SCYL2: variants seen among roughly 807,000 people sequenced by gnomAD.
The protein encoded by SCYL2 is SCY1-like protein 2.
A neutral mutation model predicts 100.4 loss-of-function variants in SCYL2; 36 were observed. The ratio of observed to expected loss-of-function variants is 0.36; its 90% confidence interval spans 0.27 to 0.47. The LOEUF is 0.47. Ranked by LOEUF, SCYL2 falls within the 20% of genes least tolerant of loss-of-function variation. The probability of loss-of-function intolerance (pLI) is 1.00; values close to 1 mark genes in which losing one functional copy is unlikely to be tolerated. For missense variants in SCYL2, 902 were observed against 1,083.9 expected (o/e 0.83, Z 2.36); for synonymous variants, 330 against 359.2 (o/e 0.92, Z 0.92).
intron 1 of SCYL2, among the ~76,000 whole-genome samples, chr12:100,271,225 T>C (rs1219136276): frequency 7.2e-6 from 1 of 138,546 alleles, no homozygotes; most frequent in African/African-American, 2.8e-5. Context: ...AGGCCAACTC[T>C]GGCCTTAAAG....
intron 2 of SCYL2, among the ~76,000 whole-genome samples, chr12:100,289,705 C>T (rs186999087): frequency 4.6e-5 from 7 of 152,048 alleles, no homozygotes; most frequent in Admixed American, 2.0e-4. Flanking sequence ...AGTTCAGGGT[C>T]GACATAATAA....
chr12:100,327,648 G>A (rs1363926556), intron 12 of SCYL2, among the ~76,000 whole-genome samples: 1 of 151,786 alleles, frequency 6.6e-6, no homozygotes, highest in African/African-American at 2.4e-5. Context: ...TGAGTAGCTG[G>A]GATTACAGGC....
chr12:100,319,962 A>T (rs1170736389), intron 10 of SCYL2, among the ~76,000 whole-genome samples: 1 of 152,216 alleles, frequency 6.6e-6, no homozygotes, highest in Non-Finnish European at 1.5e-5. Flanking sequence ...AATATTTAAG[A>T]GGCTACAGAT....
intron 4 of SCYL2, among the ~76,000 whole-genome samples, chr12:100,307,597 GACTAAAGC>G (rs771426481): frequency 6.6e-6 from 1 of 152,152 alleles, no homozygotes; most frequent in African/African-American, 2.4e-5. Context: ...AAGACTTCAT[GACTAAAGC>G]ACCAAAAGCA....
chr12:100,272,038 A>G (rs2096288215), intron 1 of SCYL2, among the ~76,000 whole-genome samples: 1 of 152,206 alleles, frequency 6.6e-6, no homozygotes, highest in Non-Finnish European at 1.5e-5. Context: ...GTATTACAAC[A>G]GATTCACATG....
chr12:100,318,678 A>T (rs1362194936), intron 10 of SCYL2, among the ~76,000 whole-genome samples: 2 of 152,006 alleles, frequency 1.3e-5, no homozygotes, highest in Non-Finnish European at 2.9e-5. Flanking sequence ...ATTTTCCCAT[A>T]CTCATAATTT....
chr12:100,292,010 G>A (rs1053477814), intron 3 of SCYL2: 2 of 177,346 alleles, frequency 1.1e-5, no homozygotes, highest in African/African-American at 4.8e-5. Context: ...CCTTTTCATT[G>A]ATACAGTATT....
chr12:100,307,332 C>T (rs1257666877), intron 4 of SCYL2, among the ~76,000 whole-genome samples: 2 of 151,984 alleles, frequency 1.3e-5, no homozygotes, highest in Non-Finnish European at 2.9e-5. Flanking sequence ...GCCTCAGAAA[C>T]AATGCCACAC....
Position 100,291,538 on chromosome 12 carries a change from T to C in SCYL2, c.213T>C (p.Ile71=), listed in dbSNP as rs2096310626. ...VAVFVFDKKL[I]DKYQKFEKDQ... ...TTTTTGTCTTTGATAAAAAACTGAT[T>C]GACAAGTATCAAAAATTTGAAAAGG... The change falls in exon 3 of 18, where the codon ATT becomes ATC. Residue 71 remains isoleucine, a synonymous_variant. Transcript: ENST00000360820. 1.3e-6 allele frequency: 2 copies of C among 1,578,428 alleles called. No homozygotes were observed. The highest frequency in any genetic ancestry group is 1.4e-5 in the African/African-American group (1 of 73,260).
At position 100,329,284 on chromosome 12, in the gene SCYL2, C is replaced by A; in HGVS notation, c.1726C>A (p.Pro576Thr). 1 of 1,597,936 alleles carries A rather than the reference C, an allele frequency of 6.3e-7. No homozygotes were observed. Among genetic ancestry groups the A allele is most frequent in the Non-Finnish European group, 8.6e-7 (1 of 1,165,750 alleles). The change falls in exon 13 of 18, where the codon CCC becomes ACC. Residue 576 changes from proline to threonine, a missense_variant. Pro to Thr is a conservative substitution (Grantham distance 38, BLOSUM62 -1). Coordinates refer to ENST00000360820, the MANE Select transcript of SCYL2 (RefSeq NM_017988.6). ...LAGKVLPHLI[P>T]LSIENNLNLN... ...CGGAAAAGTGTTGCCTCATCTTATT[C>A]CCCTGAGTATTGAAAACAATCTTAA...
chr12:100,313,575 C>CA (rs2096344850), intron 7 of SCYL2, 37 bp downstream of exon 7: 10 of 1,117,678 alleles, frequency 8.9e-6, no homozygotes, highest in African/African-American at 3.2e-5. Flanking sequence ...GATGGAGGAA[C>CA]AAAAAATGAG....
chr12:100,322,277 G>T (rs1193716926), intron 10 of SCYL2, among the ~76,000 whole-genome samples: 2 of 148,074 alleles, frequency 1.4e-5, no homozygotes, highest in East Asian at 4.0e-4. Context: ...GGAGGCTGAG[G>T]CAGGAGAATG....
chr12:100,301,998 C>T (rs1005616543), intron 4 of SCYL2, among the ~76,000 whole-genome samples: 2 of 152,148 alleles, frequency 1.3e-5, no homozygotes, highest in South Asian at 2.1e-4. Flanking sequence ...GGACTGGGTC[C>T]TTCCCTTCAA....
rs76325348 is a variant in SCYL2, at chr12:100,309,024, G to T, written c.481-2020G>T. Among the ~76,000 whole-genome samples, 354 of 152,206 alleles carry T rather than the reference G, an allele frequency of 2.3e-3. 1 individual carries two copies. The highest frequency in any genetic ancestry group is 7.7e-3 in the African/African-American group (321 of 41,508). On this transcript the variant is annotated intron_variant, in intron 4 of 17. Transcript: ENST00000360820. ...CTGACTGCTAACCAGCCATGAAAGA[G>T]CACTTCTTCAGTGCCTCTTTCAGTG...
intron 4 of SCYL2, among the ~76,000 whole-genome samples, chr12:100,304,884 A>G (rs1334455596): frequency 1.3e-5 from 2 of 152,130 alleles, no homozygotes; most frequent in African/African-American, 4.8e-5. Context: ...CTTTAAACCA[A>G]CAAAGATCAA....
intron 13 of SCYL2, among the ~76,000 whole-genome samples, chr12:100,332,306 C>T (rs1255899424): frequency 6.6e-6 from 1 of 152,240 alleles, no homozygotes; most frequent in South Asian, 2.1e-4. Flanking sequence ...GGCAGGTGTA[C>T]AGCATAGAAC....
intron 10 of SCYL2, among the ~76,000 whole-genome samples, chr12:100,318,329 CTTTTTTTTTTTT>C (rs1052095844): frequency 3.8e-5 from 5 of 130,974 alleles, no homozygotes; most frequent in Admixed American, 1.5e-4. Context: ...TCTTTTCTTT[CTTTTTTTTTTTT>C]TTTTTTTGAG....
chr12:100,304,117 C>T (rs984488426), intron 4 of SCYL2, among the ~76,000 whole-genome samples: 17 of 152,118 alleles, frequency 1.1e-4, no homozygotes, highest in Admixed American at 9.2e-4. Flanking sequence ...TCACTGAGCT[C>T]GAGTGTCCCA....
intron 13 of SCYL2, 161 bp from the exon 14 acceptor site, chr12:100,334,005 A>G: frequency 2.0e-6 from 1 of 510,672 alleles, no homozygotes; most frequent in Non-Finnish European, 3.5e-6. Context: ...GATATGCCGA[A>G]TTTAAATGTA....
Sources: allele counts gnomAD v4.1 joint callset (sites outside exome capture counted in the v4.1 genomes callset), GRCh38; gene constraint gnomAD v4.1.1; transcripts MANE v1.5; gene names NCBI Gene and HGNC (gene_info 2026-07-23, HGNC 2026-07-21).